Variants in FGD5 observed in about 807,000 individuals in gnomAD.
The protein encoded by FGD5 is FYVE, RhoGEF and PH domain-containing protein 5.
Under a neutral mutation model 133.4 loss-of-function variants are expected in FGD5, and 28 were observed. That is an observed-to-expected ratio of 0.21 (90% confidence interval 0.16 to 0.29). The LOEUF (loss-of-function observed/expected upper bound fraction) is 0.29, where lower values mean the gene tolerates loss of function less well. Among genes scored for constraint, FGD5 ranks in the 10% least tolerant of loss-of-function variants. The pLI is 1.00. For synonymous variants in FGD5, 810 were observed against 776.5 expected (o/e 1.04, Z -0.72); for missense variants, 1,858 against 1,895.2 (o/e 0.98, Z 0.36).
intron 11 of FGD5, among the ~76,000 whole-genome samples, chr3:14,916,142 G>T (rs936872689): frequency 6.6e-6 from 1 of 152,242 alleles, no homozygotes; most frequent in Non-Finnish European, 1.5e-5. Context: ...CTCACCCCAG[G>T]TTAATGTTGG....
chr3:14,854,428 T>G (rs113403190), intron 1 of FGD5, among the ~76,000 whole-genome samples: 2,900 of 64,716 alleles, frequency 0.045, 47 homozygotes, highest in Middle Eastern at 0.1. Flanking sequence ...TTTATTTATT[T>G]ATTTATTGAG....
intron 4 of FGD5, among the ~76,000 whole-genome samples, chr3:14,894,348 A>G (rs1269040723): frequency 1.3e-5 from 2 of 151,980 alleles, no homozygotes; most frequent in Non-Finnish European, 2.9e-5. Context: ...TTCTTTATCC[A>G]TTCATCTGTT....
Position 14,933,213 on chromosome 3 carries a change from G to A in FGD5, c.*46G>A. The A allele has an allele frequency of 6.2e-7, 1 of 1,600,742 alleles. No homozygotes were observed. Among genetic ancestry groups the A allele is most frequent in the Non-Finnish European group, 8.5e-7 (1 of 1,171,838 alleles). On this transcript the variant is annotated 3_prime_UTR_variant, in exon 20 of 20. Coordinates refer to ENST00000285046, the MANE Select transcript of FGD5 (RefSeq NM_152536.4). Reference sequence around the variant, plus strand: ...TTGTAACAAATTCTTAGGTCAATATGTGAATGCTTTTAGAAGCTAAGCTGT... The same window carrying A: ...TTGTAACAAATTCTTAGGTCAATATATGAATGCTTTTAGAAGCTAAGCTGT...
chr3:14,843,208 A>G (rs1305463612), intron 1 of FGD5, among the ~76,000 whole-genome samples: 1 of 152,098 alleles, frequency 6.6e-6, no homozygotes, highest in Non-Finnish European at 1.5e-5. Context: ...CCCCATCCCA[A>G]ACTTGGCACA....
intron 1 of FGD5, among the ~76,000 whole-genome samples, chr3:14,849,122 G>A (rs116178499): frequency 0.079 from 12,093 of 152,238 alleles, 726 homozygotes; most frequent in East Asian, 0.24. Flanking sequence ...AGGCCCTTCC[G>A]TTCTGGGCCT....
intron 1 of FGD5, among the ~76,000 whole-genome samples, chr3:14,860,022 T>C (rs2037367055): frequency 6.6e-6 from 1 of 152,206 alleles, no homozygotes; most frequent in Non-Finnish European, 1.5e-5. Flanking sequence ...TGGTCACAAC[T>C]AAACATTTAC....
intron 1 of FGD5, among the ~76,000 whole-genome samples, chr3:14,838,892 C>G (rs112605087): frequency 1.7e-4 from 26 of 152,182 alleles, no homozygotes; most frequent in East Asian, 3.8e-4. Context: ...TTTCCTACCC[C>G]CTCTGCCCCC....
At chr3:14,853,907 A>G (rs1325363324) in intron 1 of FGD5, among the ~76,000 whole-genome samples, 1 of 148,526 alleles carries the variant, frequency 6.7e-6, no homozygotes, top group Admixed American at 6.8e-5. Flanking sequence ...GCCTCTGAGC[A>G]GCTTTAATTG....
rs563962969 is a variant in FGD5, at chr3:14,853,732, G to A, written c.2526-10396G>A. Among the ~76,000 whole-genome samples the A allele has an allele frequency of 9.1e-5, 13 of 142,662 alleles. No individual in the cohort carries two copies. In the South Asian group the frequency reaches 1.3e-3, roughly 15 times the overall value. 93.6% of individuals were successfully genotyped at this position (142,662 alleles called of 152,430 possible). On this transcript the variant is annotated intron_variant, in intron 1 of 19. Coordinates refer to ENST00000285046, the MANE Select transcript of FGD5 (RefSeq NM_152536.4). ...GCTCCCAACCAGCGTTACATAGGAC[G>A]GAATTAAATGGTCAGAGTTGGACAG... is the stretch of plus-strand genomic sequence containing the variant.
In FGD5 at chr3:14,879,552, G is replaced by A. The variant is rs1245515727; in HGVS notation, c.2659-1020G>A. Among the ~76,000 whole-genome samples the A allele has an allele frequency of 3.3e-5, 5 of 152,168 alleles. No individual in the cohort carries two copies. In the South Asian group the frequency reaches 6.2e-4, roughly 19 times the overall value. On this transcript the variant is annotated intron_variant, in intron 2 of 19. Transcript: ENST00000285046. ...CCTGCAGAGTTAGTGCTTCCCAAGG[G>A]GAATGAATGTGCGCTCGCTCACTCA...
In FGD5 at chr3:14,820,018, C is replaced by T. The variant is rs1295756991; in HGVS notation, c.947C>T (p.Ala316Val). ...GCAGCCGCCACCCTGGAGGACCATG[C>T]ACAGGATGAGTCCGCCGAGGAGAGC... Reference protein sequence around the residue: ...EVAAATLEDHAQDESAEESCQ... With the variant: ...EVAAATLEDHVQDESAEESCQ... Residue 316 changes from alanine to valine, a missense_variant, in exon 1 of 20, where the codon GCA becomes GTA. By Grantham distance (64) the Ala-to-Val change is moderately conservative. This residue lies in a region of FGD5 where 1,824 missense variants were observed against 1,848.9 expected (regional missense o/e 0.99). Coordinates refer to ENST00000285046, the MANE Select transcript of FGD5 (RefSeq NM_152536.4). The T allele has an allele frequency of 3.1e-6, 5 of 1,614,012 alleles. No homozygotes were observed. The highest frequency in any genetic ancestry group is 1.1e-5 in the South Asian group (1 of 91,082).
At chr3:14,923,301 T>G in intron 16 of FGD5, 126 bp downstream of exon 16, 16 of 1,306,208 alleles carry the variant, frequency 1.2e-5, no homozygotes, top group South Asian at 2.9e-5. Context: ...ATTCACTCCA[T>G]GGAGGGAGGA....
At chr3:14,813,604 A>G (rs2036326654) in intron 1 of FGD5, among the ~76,000 whole-genome samples, 1 of 152,230 alleles carries the variant, frequency 6.6e-6, no homozygotes, top group Non-Finnish European at 1.5e-5. Flanking sequence ...AAGAAGAGCC[A>G]GGAGTTTAGA....
rs1206694280 is a variant in FGD5 at position 14,917,122 on chromosome 3, C to T, written c.3406-127C>T. 2 of 732,966 alleles carry T rather than the reference C, an allele frequency of 2.7e-6. No homozygotes were observed. The highest frequency in any genetic ancestry group is 1.8e-5 in the African/African-American group (1 of 55,300). The allele number at this position is 732,966 out of a possible 1,614,324, so 45.4% of individuals were successfully genotyped here. ...ACATTTTGGCCGCAACGTTTTTGCT[C>T]ACCTGTGGGGGTTACTGAGGAATAC... On this transcript the variant is annotated intron_variant, in intron 11 of 19. Transcript: ENST00000285046. This position sits in a 1 kb window ranked among gnomAD's most constrained non-coding sequence, Gnocchi z 4.1.
intron 4 of FGD5, among the ~76,000 whole-genome samples, chr3:14,883,244 A>C (rs1334042675): frequency 6.6e-6 from 1 of 152,194 alleles, no homozygotes; most frequent in Non-Finnish European, 1.5e-5. Context: ...GACAAAGGAG[A>C]ATATGCGACT....
rs1203220701 is a variant in FGD5, at chr3:14,925,126, A to AAAAC, written c.4069-942_4069-941insACAA. The stretch of plus-strand genomic sequence containing the variant: ...AAAAAAAAAAAAAAAAAAAAAAAAA[A>AAAAC]AACACATACATGGTTAAACATTTTT... On this transcript the variant is annotated intron_variant, in intron 17 of 19. Coordinates refer to ENST00000285046, the MANE Select transcript of FGD5 (RefSeq NM_152536.4). 1.4e-3 allele frequency among the ~76,000 whole-genome samples: 174 copies of AAAAC among 127,554 alleles called. 29 individuals carry two copies. Among genetic ancestry groups the AAAAC allele is most frequent in the Middle Eastern group, 8.8e-3 (2 of 228 alleles). The allele number at this position is 127,554 out of a possible 152,430, so 83.7% of individuals were successfully genotyped here. A position where few individuals can be genotyped will look rare whatever the true frequency, so the allele number is the denominator to read the frequency against.
intron 1 of FGD5, among the ~76,000 whole-genome samples, chr3:14,811,622 C>G (rs2036296188): frequency 6.6e-6 from 1 of 152,176 alleles, no homozygotes; most frequent in Admixed American, 6.5e-5. Flanking sequence ...CCCAGCTCAT[C>G]CCTGCAGTTC....
chr3:14,816,193 T>G (rs1435864563), upstream of FGD5, among the ~76,000 whole-genome samples: 1 of 152,194 alleles, frequency 6.6e-6, no homozygotes, highest in Non-Finnish European at 1.5e-5. Context: ...AAGGTGATGG[T>G]CATTTTTCAT....
In FGD5 at chr3:14,933,400, C is replaced by G; in HGVS notation, c.*233C>G. On this transcript the variant is annotated 3_prime_UTR_variant, in exon 20 of 20. Transcript: ENST00000285046. Reference sequence around the variant, plus strand: ...TTTTCTGTGTTTTCCACCCCTACCCCCACCCGCCACCCAGTAATAAACTAT... The same window carrying G: ...TTTTCTGTGTTTTCCACCCCTACCCGCACCCGCCACCCAGTAATAAACTAT... 1.8e-6 allele frequency: 1 copy of G among 550,822 alleles called. No homozygotes were observed. The allele number at this position is 550,822 out of a possible 1,614,324, so 34.1% of individuals were successfully genotyped here.
Sources: allele counts gnomAD v4.1 joint callset (sites outside exome capture counted in the v4.1 genomes callset), GRCh38; gene constraint gnomAD v4.1.1; regional missense constraint gnomAD v4.1.1; non-coding constraint Gnocchi (gnomAD v3.1); transcripts MANE v1.5; gene names NCBI Gene and HGNC (gene_info 2026-07-23, HGNC 2026-07-21).